The following RNF38 variants were observed in gnomAD, a reference collection of about 807,000 sequenced individuals.
RNF38 encodes E3 ubiquitin-protein ligase RNF38.
In RNF38, 15 loss-of-function variants were observed where a neutral mutation model predicts 67.2. The ratio of observed to expected loss-of-function variants is 0.22; its 90% confidence interval spans 0.15 to 0.34. RNF38 has a LOEUF of 0.34. Ranked by LOEUF, RNF38 falls within the 10% of genes least tolerant of loss-of-function variation. The pLI is 1.00. For synonymous variants in RNF38, 220 were observed against 218.8 expected, an observed-to-expected ratio of 1.01 and a Z score of -0.05; for missense variants, 524 against 639.9, an observed-to-expected ratio of 0.82 and a Z score of 1.95.
intron 2 of RNF38, among the ~76,000 whole-genome samples, chr9:36,410,093 G>A (rs896061430): frequency 2.0e-5 from 3 of 152,070 alleles, no homozygotes; most frequent in Non-Finnish European, 4.4e-5. Context: ...ATCATTACAT[G>A]GAATCTCTAA....
chr9:36,399,340 G>A (rs1837804017), intron 1 of RNF38, among the ~76,000 whole-genome samples: 1 of 151,846 alleles, frequency 6.6e-6, no homozygotes, highest in African/African-American at 2.4e-5. Flanking sequence ...ACGAGTCTGT[G>A]GCAGAACTTA....
At chr9:36,475,972 G>A (rs1355779118) in intron 1 of RNF38, among the ~76,000 whole-genome samples, 1 of 142,150 alleles carries the variant, frequency 7.0e-6, no homozygotes, top group Non-Finnish European at 1.5e-5. Context: ...TAATGCCACT[G>A]TACTCCAGCC....
At chr9:36,429,311 T>C (rs1350062061) in intron 1 of RNF38, among the ~76,000 whole-genome samples, 2 of 152,200 alleles carry the variant, frequency 1.3e-5, no homozygotes, top group Non-Finnish European at 1.5e-5. Context: ...CCCTCCAGTA[T>C]TGAAGACAAT....
intron 1 of RNF38, among the ~76,000 whole-genome samples, chr9:36,461,782 G>A (rs1839738930): frequency 6.6e-6 from 1 of 152,120 alleles, no homozygotes; most frequent in African/African-American, 2.4e-5. Context: ...CCTGGTTTAA[G>A]CATTTCCGAT....
intron 1 of RNF38, among the ~76,000 whole-genome samples, chr9:36,441,351 G>A (rs1228385832): frequency 6.7e-6 from 1 of 148,520 alleles, no homozygotes; most frequent in Admixed American, 6.7e-5. Flanking sequence ...TTTTTTGATG[G>A]AGTCTCACTC....
intron 2 of RNF38, among the ~76,000 whole-genome samples, chr9:36,388,246 G>A (rs377032669): frequency 6.6e-6 from 1 of 151,916 alleles, no homozygotes; most frequent in East Asian, 1.9e-4. Context: ...TATACTAGAT[G>A]GTCTTATTAT....
In RNF38 at chr9:36,347,113, T is replaced by C. The variant is rs1208568265; in HGVS notation, c.1264-2160A>G. The stretch of plus-strand genomic sequence containing the variant: ...CCAAGCCTGGGCGACAAAGGGAGAC[T>C]CCATCTCGGGGGGGGGGGGGGGGGG... On this transcript the variant is annotated intron_variant, in intron 9 of 11. Coordinates refer to ENST00000259605, the MANE Select transcript of RNF38 (RefSeq NM_022781.5). 8.4e-5 allele frequency among the ~76,000 whole-genome samples: 4 copies of C among 47,600 alleles called. No homozygotes were observed. The South Asian group carries it at 6.9e-3, about 82-fold the overall frequency. The allele number at this position is 47,600 out of a possible 152,430, so 31.2% of individuals were successfully genotyped here. A position where few individuals can be genotyped will look rare whatever the true frequency, so the allele number is the denominator to read the frequency against.
At chr9:36,362,291 G>A (rs1486186900) in intron 4 of RNF38, among the ~76,000 whole-genome samples, 1 of 151,834 alleles carries the variant, frequency 6.6e-6, no homozygotes, top group East Asian at 1.9e-4. Context: ...CCAGGAGGCG[G>A]AGGTTGCAGT....
chr9:36,350,390 TG>T (rs1487238585), intron 9 of RNF38, among the ~76,000 whole-genome samples: 1 of 152,236 alleles, frequency 6.6e-6, no homozygotes, highest in Non-Finnish European at 1.5e-5. Flanking sequence ...AAACATTTAG[TG>T]GCTCCTTCCT....
intron 2 of RNF38, among the ~76,000 whole-genome samples, chr9:36,418,656 C>G (rs573051609): frequency 1.2e-4 from 19 of 152,014 alleles, no homozygotes; most frequent in Non-Finnish European, 1.8e-4. Flanking sequence ...TGTGGTGGTA[C>G]GCGCCTGTAA....
chr9:36,401,813 T>G (rs1207885003), upstream of RNF38, among the ~76,000 whole-genome samples: 3 of 152,176 alleles, frequency 2.0e-5, no homozygotes, highest in East Asian at 5.8e-4. Flanking sequence ...GGTGATCATA[T>G]TTTAGGGTGG....
intron 1 of RNF38, among the ~76,000 whole-genome samples, chr9:36,485,194 TA>T (rs1404303631): frequency 6.6e-6 from 1 of 152,076 alleles, no homozygotes; most frequent in Non-Finnish European, 1.5e-5. Context: ...AAATAAATAA[TA>T]AATAAAAATA....
intron 2 of RNF38, among the ~76,000 whole-genome samples, chr9:36,418,295 CA>C (rs1010754114): frequency 3.3e-5 from 5 of 151,888 alleles, no homozygotes; most frequent in African/African-American, 1.2e-4. Context: ...TTCGGCCTCC[CA>C]AAGTGCTGGG....
At chr9:36,456,646 T>G (rs897332732) in intron 1 of RNF38, among the ~76,000 whole-genome samples, 6 of 152,064 alleles carry the variant, frequency 3.9e-5, no homozygotes. Flanking sequence ...TCTGGGCCTC[T>G]TCCTGCAATT....
chr9:36,372,131 A>G (rs1407772963), intron 3 of RNF38, among the ~76,000 whole-genome samples: 1 of 151,998 alleles, frequency 6.6e-6, no homozygotes, highest in Non-Finnish European at 1.5e-5. Flanking sequence ...GGGTTTCACC[A>G]TATTGGCCAG....
chr9:36,469,951 C>A (rs1564075364), intron 1 of RNF38, among the ~76,000 whole-genome samples: 1 of 152,086 alleles, frequency 6.6e-6, no homozygotes, highest in Non-Finnish European at 1.5e-5. Flanking sequence ...TGCACTCTAG[C>A]CTGAGTGACA....
chr9:36,468,752 C>T (rs1839925260), intron 1 of RNF38, among the ~76,000 whole-genome samples: 1 of 151,774 alleles, frequency 6.6e-6, no homozygotes, highest in South Asian at 2.1e-4. Context: ...GCAGAGGTTG[C>T]AGTGAGCCGA....
At chr9:36,407,082 C>T (rs1027561666) in intron 2 of RNF38, among the ~76,000 whole-genome samples, 3 of 152,218 alleles carry the variant, frequency 2.0e-5, no homozygotes, top group Non-Finnish European at 2.9e-5. Context: ...ATTTAGCCTA[C>T]GCAGTATCTA....
chr9:36,352,019 G>A (rs1197945345), intron 8 of RNF38, among the ~76,000 whole-genome samples: 1 of 152,088 alleles, frequency 6.6e-6, no homozygotes, highest in African/African-American at 2.4e-5. Flanking sequence ...ATAATTACTG[G>A]CAGGGCGCAG....
Sources: allele counts gnomAD v4.1 joint callset (sites outside exome capture counted in the v4.1 genomes callset), GRCh38; gene constraint gnomAD v4.1.1; transcripts MANE v1.5; gene names NCBI Gene and HGNC (gene_info 2026-07-23, HGNC 2026-07-21).